ABCA4: variants seen among roughly 807,000 people sequenced by gnomAD.
ABCA4 encodes the protein ATP binding cassette subfamily A member 4.
In ABCA4, 196 loss-of-function variants were observed where a neutral mutation model predicts 263.7. That is an observed-to-expected ratio of 0.74 (90% CI 0.66 to 0.84). The LOEUF (loss-of-function observed/expected upper bound fraction) is 0.84. Among genes scored for constraint, ABCA4 ranks in the 40% least tolerant of loss-of-function variants. ABCA4 has a pLI of 0.00. For synonymous variants in ABCA4, 1,133 were observed against 1,094.2 expected (o/e 1.04, Z -0.70); for missense variants, 2,792 against 2,855.1 (o/e 0.98, Z 0.50).
intron 5 of ABCA4, among the ~76,000 whole-genome samples, chr1:94,102,469 G>C (rs1441490687): frequency 6.6e-6 from 1 of 151,836 alleles, no homozygotes; most frequent in Non-Finnish European, 1.5e-5. Flanking sequence ...ACCTCCTCAG[G>C]AAGGCCTTCC....
Position 94,080,476 on chromosome 1 carries a change from A to C in ABCA4, c.1099+2T>G, listed in dbSNP as rs2101106481. 1 of 1,614,158 alleles carries C rather than the reference A, an allele frequency of 6.2e-7. No individual in the cohort carries two copies. Among genetic ancestry groups the C allele is most frequent in the Non-Finnish European group, 8.5e-7 (1 of 1,180,026 alleles). On this transcript the variant is annotated splice_donor_variant, in intron 8 of 49. Coordinates refer to ENST00000370225, the MANE Select transcript of ABCA4 (RefSeq NM_000350.3). LOFTEE classifies it high-confidence loss of function. ...TTTATAAGCAGGACTCAGAAAACTT[A>C]CTTGTTCTTCTGTCATAAGAATAGA... is the stretch of plus-strand genomic sequence containing the variant.
intron 37 of ABCA4, 52 bp from the exon 38 acceptor site, chr1:94,014,742 C>T: frequency 6.2e-7 from 1 of 1,610,486 alleles, no homozygotes; most frequent in Non-Finnish European, 8.5e-7. Context: ...TCCATTCCAC[C>T]TACAATACGT....
Position 94,021,397 on chromosome 1 carries a change from T to A in ABCA4, c.4861A>T (p.Asn1621Tyr), listed in dbSNP as rs775170464. 3 of 1,614,224 alleles carry A rather than the reference T, an allele frequency of 1.9e-6. No individual in the cohort carries two copies. The highest frequency in any genetic ancestry group is 2.5e-6 in the Non-Finnish European group (3 of 1,180,040). The change falls in exon 35 of 50, where the codon AAC becomes TAC. Residue 1621 changes from asparagine (N) to tyrosine (Y), a missense_variant. Physicochemically the swap from Asn to Tyr is moderately radical, Grantham distance 143. Transcript: ENST00000370225. ...CTGACCAGGGCATGCCAGCCTTTGT[T>A]ATTAAACCACACCTAGAGGGTGGAG... ...TEDNIKVWFN[N>Y]KGWHALVSFL... is the part of the protein sequence containing the mutation.
chr1:94,095,793 T>C (rs1053435796), intron 6 of ABCA4, among the ~76,000 whole-genome samples: 2 of 145,828 alleles, frequency 1.4e-5, no homozygotes, highest in African/African-American at 2.5e-5. Flanking sequence ...GTGTAATCCA[T>C]TTGTCAAATG....
intron 36 of ABCA4, among the ~76,000 whole-genome samples, chr1:94,016,118 C>T (rs1659739798): frequency 6.6e-6 from 1 of 152,240 alleles, no homozygotes; most frequent in South Asian, 2.1e-4. Flanking sequence ...CCTGGTCTCT[C>T]ACTCTTTCTA....
chr1:94,057,021 T>C (rs1174776889), intron 14 of ABCA4, among the ~76,000 whole-genome samples, 199 bp from the exon 15 acceptor site: 1 of 152,226 alleles, frequency 6.6e-6, no homozygotes, highest in African/African-American at 2.4e-5. Context: ...CAGTCATCAG[T>C]AATGTTAAAA....
chr1:93,997,801 C>G, intron 48 of ABCA4, 60 bp downstream of exon 48: 1 of 1,610,026 alleles, frequency 6.2e-7, no homozygotes, highest in Admixed American at 1.7e-5. Flanking sequence ...CAATTCCAAC[C>G]CACACTGGGT....
intron 26 of ABCA4, 81 bp from the exon 27 acceptor site, chr1:94,032,124 A>G (rs548176700): frequency 1.3e-6 from 2 of 1,540,762 alleles, no homozygotes; most frequent in Admixed American, 3.4e-5. Flanking sequence ...TTTCCCTTAC[A>G]GCATTGATTT....
chr1:94,112,664 C>A (rs1443387684), intron 2 of ABCA4, among the ~76,000 whole-genome samples: 1 of 152,190 alleles, frequency 6.6e-6, no homozygotes, highest in Non-Finnish European at 1.5e-5. Context: ...GGAGCAGTGG[C>A]TCATGCCTAT....
In ABCA4 at chr1:94,036,650, T is replaced by C. The variant is rs188310042; in HGVS notation, c.3862+90A>G. The stretch of plus-strand genomic sequence containing the variant: ...TCCCAAATTGCTGGGATTACAGGCA[T>C]GAGCCACTGTGCCCAGCCCCTTAGA... On this transcript the variant is annotated intron_variant, in intron 26 of 49. Coordinates refer to ENST00000370225, the MANE Select transcript of ABCA4 (RefSeq NM_000350.3). The C allele has an allele frequency of 2.5e-3, 3,494 of 1,397,672 alleles. 15 individuals carry two copies. The highest frequency in any genetic ancestry group is 2.9e-3 in the Non-Finnish European group (2,890 of 982,814). The allele number at this position is 1,397,672 out of a possible 1,614,324, so 86.6% of individuals were successfully genotyped here. A position where few individuals can be genotyped will look rare whatever the true frequency, so the allele number is the denominator to read the frequency against.
rs1432207212 is a variant in ABCA4, at chr1:94,041,333, A to G, written c.3398T>C (p.Ile1133Thr). Reference sequence around the variant, plus strand: ...TGAGCAGTAGAGCCTTCCCTGGGCAATGATGGCAATGCGGTCCCCAAGGAG... The same window carrying G: ...TGAGCAGTAGAGCCTTCCCTGGGCAGTGATGGCAATGCGGTCCCCAAGGAG... ...ADLLGDRIAI[I>T]AQGRLYCSGT... The change falls in exon 23 of 50, where the codon ATT becomes ACT. Residue 1133 changes from isoleucine to threonine, a missense_variant. Ile to Thr is a moderately conservative substitution (Grantham distance 89, BLOSUM62 -1). Coordinates refer to ENST00000370225, the MANE Select transcript of ABCA4 (RefSeq NM_000350.3). 8 of 1,614,144 alleles carry G rather than the reference A, an allele frequency of 5.0e-6. No individual in the cohort carries two copies. The highest frequency in any genetic ancestry group is 4.5e-5 in the East Asian group (2 of 44,860).
chr1:94,117,475 C>A (rs1435280565), intron 1 of ABCA4, among the ~76,000 whole-genome samples: 1 of 77,030 alleles, frequency 1.3e-5, no homozygotes, highest in African/African-American at 4.4e-5. Context: ...AGTCCTCAGG[C>A]CCCCCCACAG....
At chr1:94,084,502 T>C (rs1426810107) in intron 6 of ABCA4, among the ~76,000 whole-genome samples, 6 of 152,372 alleles carry the variant, frequency 3.9e-5, no homozygotes, top group African/African-American at 1.2e-4. Context: ...TGTGTGTCTT[T>C]GCCCCTCTCC....
Position 94,047,059 on chromosome 1 carries a change from A to G in ABCA4, c.2778T>C (p.Val926=), listed in dbSNP as rs755951099. ...CCAGATTCTTCACGCATACCCCAGG[A>G]ACCCACCCTGGATGCTCACGTTCAA... is the stretch of plus-strand genomic sequence containing the variant. ...SFFEREHPGW[V]PGVCVKNLVK... The change falls in exon 19 of 50, where the codon GTT becomes GTC. Residue 926 remains valine (V), a synonymous_variant. Coordinates refer to ENST00000370225, the MANE Select transcript of ABCA4 (RefSeq NM_000350.3). The G allele has an allele frequency of 6.8e-6, 11 of 1,614,066 alleles. No individual in the cohort carries two copies. The highest frequency in any genetic ancestry group is 9.3e-6 in the Non-Finnish European group (11 of 1,180,052).
At position 94,015,616 on chromosome 1, in the gene ABCA4, G is replaced by A. The variant is rs144534945; in HGVS notation, c.5312+123C>T. The A allele has an allele frequency of 5.1e-4, 401 of 791,434 alleles. 2 individuals are homozygous for A. The African/African-American group carries it at 6.0e-3, about 12-fold the overall frequency. The allele number at this position is 791,434 out of a possible 1,614,324, so 49.0% of individuals were successfully genotyped here. ...TCAGCTTCAGACCCTACCTGGGGCC[G>A]GAAGCTAAACTTGTGGGTGCTACCA... On this transcript the variant is annotated intron_variant, in intron 37 of 49. Transcript: ENST00000370225.
intron 3 of ABCA4, 59 bp downstream of exon 3, chr1:94,111,379 T>G (rs1662597776): frequency 6.9e-6 from 11 of 1,598,048 alleles, no homozygotes; most frequent in Non-Finnish European, 9.4e-6. Flanking sequence ...CGTGTGCATT[T>G]CAGCACGTGA....
chr1:94,049,047 T>C, intron 17 of ABCA4, 90 bp from the exon 18 acceptor site: 1 of 1,293,650 alleles, frequency 7.7e-7, no homozygotes, highest in Non-Finnish European at 1.1e-6. Context: ...AGGGAGCAAA[T>C]GAGTTTCCTA....
chr1:94,012,094 G>A (rs539299372), intron 38 of ABCA4, among the ~76,000 whole-genome samples: 90 of 152,310 alleles, frequency 5.9e-4, no homozygotes, highest in Middle Eastern at 3.4e-3. Context: ...ACATCGAGGC[G>A]TACGAGGCCA....
At position 94,078,603 on chromosome 1, in the gene ABCA4, A is replaced by T. The variant is rs777078540; in HGVS notation, c.1343T>A (p.Met448Lys). The change falls in exon 10 of 50, where the codon ATG becomes AAG. Residue 448 changes from methionine (M) to lysine (K), a missense_variant. Physicochemically the swap from Met to Lys is moderately conservative, Grantham distance 95. Transcript: ENST00000370225. ...IWYFFDNSTQ[M>K]NMIRDTLGNP... ...AACCCCCCTTACTCTGATCATGTTCATCTGTGTGCTGTTGTCAAAGAAGTA... is the reference window on the plus strand; with the variant it reads ...AACCCCCCTTACTCTGATCATGTTCTTCTGTGTGCTGTTGTCAAAGAAGTA... 23 of 1,338,414 alleles carry T rather than the reference A, an allele frequency of 1.7e-5. No homozygotes were observed. The highest frequency in any genetic ancestry group is 1.6e-4 in the South Asian group (14 of 87,474). 82.9% of individuals were successfully genotyped at this position (1,338,414 alleles called of 1,614,324 possible).
Sources: gnomAD v4.1 joint callset for allele counts (sites outside exome capture counted in the v4.1 genomes callset) on GRCh38, gnomAD v4.1.1 for gene constraint, MANE v1.5 for transcripts, NCBI Gene and HGNC (gene_info 2026-07-23, HGNC 2026-07-21) for gene names.